The following RAG1 variants were observed in gnomAD, a reference collection of about 807,000 sequenced individuals.
RAG1 encodes the protein recombination activating 1.
Under a neutral mutation model 62.7 loss-of-function variants are expected in RAG1, and 35 were observed. The ratio of observed to expected loss-of-function variants is 0.56; its 90% CI spans 0.43 to 0.74. The LOEUF (loss-of-function observed/expected upper bound fraction) is 0.74. Ranked by LOEUF, RAG1 falls within the 30% of genes least tolerant of loss-of-function variation. The pLI, the probability that RAG1 is intolerant of heterozygous loss-of-function variation, is 0.00. For synonymous variants in RAG1, 461 were observed against 470.3 expected, an observed-to-expected ratio of 0.98 and a Z score of 0.26; for missense variants, 1,169 against 1,278.6, an observed-to-expected ratio of 0.91 and a Z score of 1.31.
chr11:36,513,545 C>T (rs544371844), intron 1 of RAG1, among the ~76,000 whole-genome samples: 33 of 152,312 alleles, frequency 2.2e-4, no homozygotes, highest in Non-Finnish European at 3.4e-4. Context: ...TTTATGCCCA[C>T]GTGTAGTTTG....
chr11:36,575,035 C>T lies in RAG1; in HGVS notation c.1731C>T (p.Ile577=). ...VSALMDMEED[I]LEGMRSQDLD... Reference sequence around the variant, plus strand: ...CTTTGATGGACATGGAAGAAGACATCTTGGAAGGCATGAGATCCCAAGACC... The same window carrying T: ...CTTTGATGGACATGGAAGAAGACATTTTGGAAGGCATGAGATCCCAAGACC... Residue 577 remains isoleucine, a synonymous_variant, in exon 2 of 2, where the codon ATC becomes ATT. Coordinates refer to ENST00000299440, the MANE Select transcript of RAG1 (RefSeq NM_000448.3). This position sits in a 1 kb window ranked among gnomAD's most constrained non-coding sequence, Gnocchi z 4.1. 1 of 1,614,090 alleles carries T rather than the reference C, an allele frequency of 6.2e-7. No individual in the cohort carries two copies. Among genetic ancestry groups the T allele is most frequent in the Non-Finnish European group, 8.5e-7 (1 of 1,180,004 alleles).
At chr11:36,543,509 G>A (rs981575231) in intron 3 of RAG1, among the ~76,000 whole-genome samples, 2 of 152,166 alleles carry the variant, frequency 1.3e-5, no homozygotes, top group Non-Finnish European at 2.9e-5. Context: ...AAGCTTATTG[G>A]GAGGTGGTTC....
intron 2 of RAG1, among the ~76,000 whole-genome samples, chr11:36,523,232 G>A (rs927265752): frequency 3.3e-5 from 5 of 152,230 alleles, no homozygotes; most frequent in Non-Finnish European, 7.3e-5. Context: ...CGTGTTATGG[G>A]AAGGACCTGG....
rs1375497899 is a variant in RAG1, at chr11:36,577,529, TTCCATCCGCTA to T, written c.*1094_*1104del. ...TGTGTAGCAGGATAACCTTGTATTT[TTCCATCCGCTA>T]AGTTTAGATGGAGTCCAAACGCAGT... is the stretch of plus-strand genomic sequence containing the variant. On this transcript the variant is annotated 3_prime_UTR_variant, in exon 2 of 2. Coordinates refer to ENST00000299440, the MANE Select transcript of RAG1 (RefSeq NM_000448.3). The T allele has an allele frequency of 6.0e-6, 1 of 167,102 alleles. No individual in the cohort carries two copies. The highest frequency in any genetic ancestry group is 2.4e-5 in the African/African-American group (1 of 41,464). 10.4% of individuals were successfully genotyped at this position (167,102 alleles called of 1,614,324 possible). A position where few individuals can be genotyped will look rare whatever the true frequency, so the allele number is the denominator to read the frequency against.
At chr11:36,530,326 G>A (rs1385271815) in intron 2 of RAG1, among the ~76,000 whole-genome samples, 1 of 151,616 alleles carries the variant, frequency 6.6e-6, no homozygotes, top group Non-Finnish European at 1.5e-5. Context: ...CAATTTCATT[G>A]ATTTCTGCTC....
chr11:36,529,156 TC>T (rs987038342), intron 2 of RAG1, among the ~76,000 whole-genome samples: 14 of 152,242 alleles, frequency 9.2e-5, no homozygotes, highest in African/African-American at 3.4e-4. Flanking sequence ...GCCAGCATCA[TC>T]CTGATACCAA....
At position 36,576,645 on chromosome 11, in the gene RAG1, A is replaced by G; in HGVS notation, c.*209A>G. The stretch of plus-strand genomic sequence containing the variant: ...GGCTTTTAGTGAGTTCCGAAAAGCA[A>G]CAGGAAAAATCAGTTATCTGAAAGC... On this transcript the variant is annotated 3_prime_UTR_variant, in exon 2 of 2. Transcript: ENST00000299440. 1 of 622,328 alleles carries G rather than the reference A, an allele frequency of 1.6e-6. No homozygotes were observed. Among genetic ancestry groups the G allele is most frequent in the Middle Eastern group, 4.5e-4 (1 of 2,214 alleles). The allele number at this position is 622,328 out of a possible 1,614,324, so 38.6% of individuals were successfully genotyped here. A position where few individuals can be genotyped will look rare whatever the true frequency, so the allele number is the denominator to read the frequency against.
chr11:36,549,127 A>G (rs1199438211), intron 3 of RAG1, among the ~76,000 whole-genome samples: 1 of 152,212 alleles, frequency 6.6e-6, no homozygotes, highest in Admixed American at 6.5e-5. Flanking sequence ...TTAACTCAAG[A>G]TGGATTAAAG....
chr11:36,539,235 A>G (rs1860377738), downstream of RAG1, among the ~76,000 whole-genome samples: 1 of 152,198 alleles, frequency 6.6e-6, no homozygotes, highest in African/African-American at 2.4e-5. Context: ...ACAGAGGGCT[A>G]TGGAAGAACA....
chr11:36,575,122 A>T lies in RAG1; in HGVS notation c.1818A>T (p.Gly606=). The change falls in exon 2 of 2, where the codon GGA becomes GGT. Residue 606 remains glycine (G), a synonymous_variant. Transcript: ENST00000299440. This position sits in a 1 kb window ranked among gnomAD's most constrained non-coding sequence, Gnocchi z 4.1. ...TGAAGGAGTCTTGTGATGGAATGGG[A>T]GACGTGAGTGAGAAGCATGGGAGTG... ...VVVKESCDGM[G]DVSEKHGSGP... 6.2e-7 allele frequency: 1 copy of T among 1,614,156 alleles called. No homozygotes were observed. The highest frequency in any genetic ancestry group is 1.7e-5 in the Admixed American group (1 of 60,016).
intron 1 of RAG1, among the ~76,000 whole-genome samples, chr11:36,516,647 T>C (rs12422065): frequency 0.1 from 15,299 of 152,288 alleles, 831 homozygotes; most frequent in Non-Finnish European, 0.11. Context: ...TGAACTGAGC[T>C]AAAAGTCAGA....
intron 3 of RAG1, among the ~76,000 whole-genome samples, chr11:36,546,619 T>C (rs191441485): frequency 4.0e-5 from 6 of 149,710 alleles, no homozygotes; most frequent in African/African-American, 1.5e-4. Context: ...TCCTGTCATT[T>C]TGATGCTAGC....
At chr11:36,535,146 T>A (rs1860307405) in intron 2 of RAG1, among the ~76,000 whole-genome samples, 2 of 152,128 alleles carry the variant, frequency 1.3e-5, no homozygotes, top group African/African-American at 2.4e-5. Flanking sequence ...TTGTTGGCAT[T>A]TTTTAAAAAT....
chr11:36,565,075 C>T (rs1435277677), upstream of RAG1, among the ~76,000 whole-genome samples: 1 of 152,184 alleles, frequency 6.6e-6, no homozygotes, highest in Non-Finnish European at 1.5e-5. Context: ...CCTCTAAGTT[C>T]CCTTCTAGTT....
chr11:36,520,875 G>A (rs1201212091), intron 2 of RAG1, among the ~76,000 whole-genome samples: 2 of 151,772 alleles, frequency 1.3e-5, no homozygotes, highest in African/African-American at 2.4e-5. Flanking sequence ...ATTTCTCAAT[G>A]GTTTGAGAGT....
chr11:36,540,917 C>G (rs977611611), downstream of RAG1, among the ~76,000 whole-genome samples: 8 of 152,158 alleles, frequency 5.3e-5, no homozygotes, highest in Non-Finnish European at 7.3e-5. Flanking sequence ...GCACAGTGAT[C>G]TTGATCCTTT....
chr11:36,574,943 T>C lies in RAG1; in HGVS notation c.1639T>C (p.Ser547Pro). The C allele has an allele frequency of 2.5e-6, 4 of 1,614,082 alleles. No individual in the cohort carries two copies. The highest frequency in any genetic ancestry group is 3.4e-6 in the Non-Finnish European group (4 of 1,179,888). ...IIDGLSGLSS[S>P]VDDYPVDTIA... is the part of the protein sequence containing the mutation. ...TGATGGGCTGTCTGGACTATCATCC[T>C]CTGTGGATGATTACCCAGTGGACAC... Residue 547 changes from serine (S) to proline (P), a missense_variant, in exon 2 of 2, where the codon TCT (serine) becomes CCT (proline). Transcript: ENST00000299440.
intron 2 of RAG1, among the ~76,000 whole-genome samples, chr11:36,526,780 G>A (rs577906529): frequency 1.1e-4 from 16 of 152,276 alleles, no homozygotes; most frequent in East Asian, 3.9e-4. Context: ...CAGTCTAACT[G>A]GTGTGAGATG....
Position 36,579,429 on chromosome 11 carries a change from T to A in RAG1, c.*2993T>A, listed in dbSNP as rs930385452. ...CATTTTCTTATTTTAACTACAGTAA[T>A]CTACATAAATATACCTCAGAAATCA... On this transcript the variant is annotated 3_prime_UTR_variant, in exon 2 of 2. Coordinates refer to ENST00000299440, the MANE Select transcript of RAG1 (RefSeq NM_000448.3). 6 of 167,106 alleles carry A rather than the reference T, an allele frequency of 3.6e-5. No homozygotes were observed. The highest frequency in any genetic ancestry group is 1.4e-4 in the African/African-American group (6 of 41,464). 10.4% of individuals were successfully genotyped at this position (167,106 alleles called of 1,614,324 possible).
Sources: allele counts gnomAD v4.1 joint callset (sites outside exome capture counted in the v4.1 genomes callset), GRCh38; gene constraint gnomAD v4.1.1; non-coding constraint Gnocchi (gnomAD v3.1); transcripts MANE v1.5; gene names NCBI Gene and HGNC (gene_info 2026-07-23, HGNC 2026-07-21).